The following TBC1D1 variants were observed in gnomAD, a reference collection of about 807,000 sequenced individuals.
The protein encoded by TBC1D1 is TBC1 (tre-2/USP6, BUB2, cdc16) domain family, member 1.
A neutral mutation model predicts 125.6 loss-of-function variants in TBC1D1; 89 were observed. The observed-to-expected ratio is 0.71, with a 90% CI of 0.60 to 0.85. The LOEUF is 0.85. Ranked by LOEUF, TBC1D1 falls within the 40% of genes least tolerant of loss-of-function variation. The pLI is 0.00. For synonymous variants in TBC1D1, 565 were observed against 564.1 expected, an observed-to-expected ratio of 1.00 and a Z score of -0.02; for missense variants, 1,377 against 1,469.2, an observed-to-expected ratio of 0.94 and a Z score of 1.03.
rs914396214 is a variant in TBC1D1, at chr4:37,995,500, C to T, written c.418-19009C>T. ...TTTCCTTCCAGCCCTGGGCTCAGTA[C>T]ACAGATGGTTTCTCTTCACCTTTTG... On this transcript the variant is annotated intron_variant, in intron 2 of 19. Coordinates refer to ENST00000261439, the MANE Select transcript of TBC1D1 (RefSeq NM_015173.4). This position sits in a 1 kb window ranked among gnomAD's most constrained non-coding sequence, Gnocchi z 4.3. 1.2e-5 allele frequency: 4 copies of T among 323,690 alleles called. No homozygotes were observed. Among genetic ancestry groups the T allele is most frequent in the Admixed American group, 1.2e-4 (3 of 25,560 alleles). 20.1% of individuals were successfully genotyped at this position (323,690 alleles called of 1,614,324 possible). A position where few individuals can be genotyped will look rare whatever the true frequency, so the allele number is the denominator to read the frequency against.
intron 2 of TBC1D1, among the ~76,000 whole-genome samples, chr4:37,984,781 T>A (rs967884662): frequency 2.7e-5 from 4 of 150,798 alleles, no homozygotes; most frequent in African/African-American, 9.8e-5. Flanking sequence ...AGGCAGAGGT[T>A]GTAGTGAGCC....
At chr4:38,091,154 A>G (rs902271511) in intron 13 of TBC1D1, among the ~76,000 whole-genome samples, 3 of 152,238 alleles carry the variant, frequency 2.0e-5, no homozygotes, top group African/African-American at 4.8e-5. Context: ...GTACGAATTC[A>G]TAGAATGTAA....
chr4:37,977,657 G>C lies in TBC1D1; in HGVS notation c.418-36852G>C. The C allele has an allele frequency of 5.6e-6, 1 of 178,320 alleles. No homozygotes were observed. Among genetic ancestry groups the C allele is most frequent in the Non-Finnish European group, 1.1e-5 (1 of 90,242 alleles). The allele number at this position is 178,320 out of a possible 1,614,324, so 11.0% of individuals were successfully genotyped here. A position where few individuals can be genotyped will look rare whatever the true frequency, so the allele number is the denominator to read the frequency against. On this transcript the variant is annotated intron_variant, in intron 2 of 19. Transcript: ENST00000261439. This position sits in a 1 kb window ranked among gnomAD's most constrained non-coding sequence, Gnocchi z 4.3. The stretch of plus-strand genomic sequence containing the variant: ...CCAGGCGCGGCGGGGGGCGAGCGGC[G>C]GGCGCGACCAGGTCGTTAGCCGCGC...
intron 3 of TBC1D1, among the ~76,000 whole-genome samples, chr4:38,017,038 G>A (rs1175829353): frequency 7.0e-6 from 1 of 142,140 alleles, no homozygotes; most frequent in African/African-American, 2.7e-5. Context: ...TTAATGGGAT[G>A]TACAATCCTT....
chr4:38,060,619 G>A (rs1752583209), intron 12 of TBC1D1: 12 of 1,289,170 alleles, frequency 9.3e-6, no homozygotes, highest in Non-Finnish European at 1.2e-5. Context: ...CTCTTTTTCA[G>A]AACCTCACTG....
At chr4:38,127,916 G>A (rs1764920695) in intron 18 of TBC1D1, among the ~76,000 whole-genome samples, 1 of 152,056 alleles carries the variant, frequency 6.6e-6, no homozygotes, top group South Asian at 2.1e-4. Context: ...AGGCTTCACG[G>A]GTCATAACGT....
At chr4:38,017,822 C>G (rs950568886) in intron 3 of TBC1D1, among the ~76,000 whole-genome samples, 1 of 152,178 alleles carries the variant, frequency 6.6e-6, no homozygotes, top group African/African-American at 2.4e-5. Flanking sequence ...TATTGCAACA[C>G]AGCAGTCTCC....
chr4:38,053,279 A>G, intron 11 of TBC1D1, 54 bp downstream of exon 13: 1 of 1,290,214 alleles, frequency 7.8e-7, no homozygotes, highest in Non-Finnish European at 1.0e-6. Context: ...GTTGAATATC[A>G]TTAGATATAC....
intron 12 of TBC1D1, among the ~76,000 whole-genome samples, chr4:38,056,630 G>A (rs1751759907): frequency 1.3e-5 from 2 of 152,168 alleles, no homozygotes; most frequent in Admixed American, 6.6e-5. Context: ...GCAACATAGT[G>A]AGACCCTGTC....
intron 12 of TBC1D1, among the ~76,000 whole-genome samples, chr4:38,079,070 G>A (rs1756095444): frequency 1.3e-5 from 2 of 151,634 alleles, no homozygotes; most frequent in Admixed American, 6.6e-5. Flanking sequence ...AGTACCCTGG[G>A]CTGAGGAGGC....
intron 15 of TBC1D1, chr4:38,110,148 C>G (rs1578761928): frequency 7.3e-6 from 7 of 960,664 alleles, no homozygotes; most frequent in Admixed American, 6.2e-5. Flanking sequence ...TAAACAGAGC[C>G]GAGATATCAG....
rs556595626 is a variant in TBC1D1, at chr4:37,974,531, G to A, written c.418-39978G>A. ...TGGGATTACAGGCATGAGCCACCAT[G>A]CATGGCCTGATATTACTCTTGACTT... is the stretch of plus-strand genomic sequence containing the variant. On this transcript the variant is annotated intron_variant, in intron 2 of 19. Coordinates refer to ENST00000261439, the MANE Select transcript of TBC1D1 (RefSeq NM_015173.4). 1.5e-3 allele frequency among the ~76,000 whole-genome samples: 231 copies of A among 151,066 alleles called. 1 individual carries two copies. Among genetic ancestry groups the A allele is most frequent in the African/African-American group, 5.5e-3 (224 of 41,094 alleles).
chr4:38,028,698 A>G (rs562165643), intron 7 of TBC1D1, among the ~76,000 whole-genome samples: 18 of 152,248 alleles, frequency 1.2e-4, no homozygotes, highest in African/African-American at 4.3e-4. Context: ...ATAAAATGGA[A>G]AGCGCCTCAG....
chr4:37,970,970 G>A (rs1246329233), intron 2 of TBC1D1, among the ~76,000 whole-genome samples: 1 of 152,124 alleles, frequency 6.6e-6, no homozygotes, highest in Non-Finnish European at 1.5e-5. Context: ...AGCCTGCCTG[G>A]CATCACCTCC....
chr4:38,000,506 C>T (rs1738828969), intron 2 of TBC1D1, among the ~76,000 whole-genome samples: 4 of 152,106 alleles, frequency 2.6e-5, no homozygotes, highest in South Asian at 2.1e-4. Context: ...AGTGTCATGT[C>T]GGTGCTCAAA....
At chr4:38,083,671 TAAC>T (rs997559389) in intron 12 of TBC1D1, among the ~76,000 whole-genome samples, 2 of 152,258 alleles carry the variant, frequency 1.3e-5, no homozygotes, top group African/African-American at 4.8e-5. Context: ...AGTGATCAGA[TAAC>T]CTGTTTGAGG....
At chr4:37,979,243 A>G (rs1013306629) in intron 2 of TBC1D1, among the ~76,000 whole-genome samples, 7 of 152,248 alleles carry the variant, frequency 4.6e-5, no homozygotes, top group African/African-American at 1.7e-4. Flanking sequence ...GAGCAAATTC[A>G]TGTATACCTC....
chr4:38,073,934 A>G (rs563101690), intron 12 of TBC1D1, among the ~76,000 whole-genome samples: 2 of 152,320 alleles, frequency 1.3e-5, no homozygotes, highest in Admixed American at 1.3e-4. Flanking sequence ...GACTTTTAAG[A>G]CAACCAAAAG....
chr4:38,104,490 C>G (rs898936435), intron 15 of TBC1D1, among the ~76,000 whole-genome samples: 2 of 152,292 alleles, frequency 1.3e-5, no homozygotes, highest in Admixed American at 1.3e-4. Context: ...GGTGAGCTGG[C>G]TCGATGTGGT....
Sources: allele counts gnomAD v4.1 joint callset (sites outside exome capture counted in the v4.1 genomes callset), GRCh38; gene constraint gnomAD v4.1.1; non-coding constraint Gnocchi (gnomAD v3.1); transcripts MANE v1.5; gene names NCBI Gene and HGNC (gene_info 2026-07-23, HGNC 2026-07-21).